Variants in NID1 observed in about 807,000 individuals in gnomAD.
NID1 encodes the protein nidogen 1.
Under a neutral mutation model 130.6 loss-of-function variants are expected in NID1, and 76 were observed. That is an observed-to-expected ratio of 0.58 (90% CI 0.48 to 0.70). The LOEUF (loss-of-function observed/expected upper bound fraction) is 0.70, where lower values mean the gene tolerates loss of function less well. Ranked by LOEUF, NID1 falls within the 30% of genes least tolerant of loss-of-function variation. The probability of loss-of-function intolerance (pLI) is 0.00; values close to 1 mark genes in which losing one functional copy is unlikely to be tolerated. For missense variants in NID1, 1,517 were observed against 1,664.8 expected, an observed-to-expected ratio of 0.91 and a Z score of 1.54; for synonymous variants, 665 against 675.1, an observed-to-expected ratio of 0.98 and a Z score of 0.23.
chr1:235,985,343 A>C (rs1324153328), intron 15 of NID1, 36 bp downstream of exon 15: 2 of 1,613,112 alleles, frequency 1.2e-6, no homozygotes, highest in African/African-American at 2.7e-5. Context: ...TGCTAGAAGC[A>C]AAACCAAAAA....
At chr1:235,985,358 A>T (rs536151394) in intron 15 of NID1, 21 bp downstream of exon 15, 17 of 1,613,896 alleles carry the variant, frequency 1.1e-5, no homozygotes, top group Admixed American at 3.3e-5. Context: ...CAAAAAGGAA[A>T]AATGATATTT....
intron 13 of NID1, among the ~76,000 whole-genome samples, chr1:235,992,255 C>G (rs1381716426): frequency 1.3e-5 from 2 of 152,188 alleles, no homozygotes; most frequent in Non-Finnish European, 2.9e-5. Context: ...CTATTACACC[C>G]AATCGGTGAC....
In NID1 at chr1:235,993,729, C is replaced by G; in HGVS notation, c.2671G>C (p.Gly891Arg). The stretch of plus-strand genomic sequence containing the variant: ...ACGCACCAGCAGTAGCCGGTGCTGC[C>G]GTGGCACTGGGTGGGCGCGTAGTGC... The part of the protein sequence containing the change: ...HGHYAPTQCH[G>R]STGYCWCVDR... The change falls in exon 13 of 20, where the codon GGC becomes CGC. Residue 891 changes from glycine to arginine, a missense_variant. This residue lies in a region of NID1 where 1,329 missense variants were observed against 1,429.2 expected (regional missense o/e 0.93). Coordinates refer to ENST00000264187, the MANE Select transcript of NID1 (RefSeq NM_002508.3). 1 of 1,611,974 alleles carries G rather than the reference C, an allele frequency of 6.2e-7. No individual in the cohort carries two copies. The highest frequency in any genetic ancestry group is 2.2e-5 in the East Asian group (1 of 44,818).
At chr1:236,024,754 G>T (rs1449905590) in intron 8 of NID1, among the ~76,000 whole-genome samples, 2 of 152,188 alleles carry the variant, frequency 1.3e-5, no homozygotes, top group Non-Finnish European at 2.9e-5. Flanking sequence ...GACCCCTGAG[G>T]CTTAAAGATA....
intron 11 of NID1, among the ~76,000 whole-genome samples, chr1:236,012,674 C>T (rs1658467500): frequency 6.6e-6 from 1 of 151,862 alleles, no homozygotes; most frequent in South Asian, 2.1e-4. Flanking sequence ...TAAATGAGAG[C>T]TTCAAAACTG....
At position 235,976,490 on chromosome 1, in the gene NID1, G is replaced by A. The variant is rs1657255072; in HGVS notation, c.*1377C>T. 1 of 151,642 alleles carries A rather than the reference G, an allele frequency of 6.6e-6. No homozygotes were observed. The highest frequency in any genetic ancestry group is 6.6e-5 in the Admixed American group (1 of 15,216). The allele number at this position is 151,642 out of a possible 1,614,324, so 9.4% of individuals were successfully genotyped here. ...TCTCTTGTTGATCAATCTCTTTTTTGTGATACTTTTCATTGAATCATCTCG... is the reference window on the plus strand; with the variant it reads ...TCTCTTGTTGATCAATCTCTTTTTTATGATACTTTTCATTGAATCATCTCG... On this transcript the variant is annotated 3_prime_UTR_variant, in exon 20 of 20. Transcript: ENST00000264187.
Position 236,045,047 on chromosome 1 carries a change from G to A in NID1, c.752+410C>T, listed in dbSNP as rs1232664516. ...AACCCCGTCTCTACTAAAAATACAAGAATTAGCTGGGCATGGTGGCACACA... is the reference window on the plus strand; with the variant it reads ...AACCCCGTCTCTACTAAAAATACAAAAATTAGCTGGGCATGGTGGCACACA... On this transcript the variant is annotated intron_variant, in intron 3 of 19. Coordinates refer to ENST00000264187, the MANE Select transcript of NID1 (RefSeq NM_002508.3). Among the ~76,000 whole-genome samples the A allele has an allele frequency of 7.2e-5, 11 of 151,788 alleles. No homozygotes were observed. The East Asian group carries it at 1.4e-3, about 19-fold the overall frequency.
intron 17 of NID1, among the ~76,000 whole-genome samples, chr1:235,980,200 C>A (rs908675778): frequency 1.3e-5 from 2 of 152,184 alleles, no homozygotes; most frequent in African/African-American, 4.8e-5. Flanking sequence ...TGACTCCAGG[C>A]TCTGTGCAGT....
chr1:235,983,682 C>T (rs1657499416), intron 15 of NID1, among the ~76,000 whole-genome samples: 1 of 152,190 alleles, frequency 6.6e-6, no homozygotes, highest in Non-Finnish European at 1.5e-5. Flanking sequence ...GCAACCAACC[C>T]CCTCTCCCTC....
intron 11 of NID1, among the ~76,000 whole-genome samples, chr1:236,012,578 A>AAAAAAAAAAAG (rs1553343926): frequency 5.0e-5 from 5 of 99,530 alleles, no homozygotes; most frequent in Admixed American, 1.2e-4. Flanking sequence ...AAAAAAAAAA[A>AAAAAAAAAAAG]AAAGAAAGAA....
chr1:236,045,845 T>C (rs1436824625), intron 2 of NID1, among the ~76,000 whole-genome samples, 162 bp from the exon 3 acceptor site: 2 of 152,248 alleles, frequency 1.3e-5, no homozygotes, highest in Non-Finnish European at 2.9e-5. Context: ...CCTAGGATTC[T>C]GGGATAGTTC....
intron 1 of NID1, among the ~76,000 whole-genome samples, chr1:236,056,629 G>T (rs1188980431): frequency 1.3e-5 from 2 of 151,726 alleles, no homozygotes; most frequent in African/African-American, 4.8e-5. Context: ...ACCTCTTTTC[G>T]TCCCATACCC....
At chr1:235,993,018 C>T (rs1479845200) in intron 13 of NID1, among the ~76,000 whole-genome samples, 3 of 152,204 alleles carry the variant, frequency 2.0e-5, no homozygotes, top group African/African-American at 7.2e-5. Context: ...TCCAGAGTCA[C>T]ACAGGGCCCC....
chr1:236,012,578 A>AAAAAAAAAAAAG (rs1553343926), intron 11 of NID1, among the ~76,000 whole-genome samples: 12 of 99,544 alleles, frequency 1.2e-4, no homozygotes, highest in African/African-American at 5.2e-4. Flanking sequence ...AAAAAAAAAA[A>AAAAAAAAAAAAG]AAAGAAAGAA....
chr1:235,999,029 C>T (rs982285838), intron 12 of NID1, among the ~76,000 whole-genome samples: 1 of 152,198 alleles, frequency 6.6e-6, no homozygotes, highest in Non-Finnish European at 1.5e-5. Context: ...GTCCACATTG[C>T]CAGTGCTTAG....
At chr1:236,002,866 T>G (rs1348727926) in intron 12 of NID1, among the ~76,000 whole-genome samples, 2 of 152,126 alleles carry the variant, frequency 1.3e-5, no homozygotes, top group African/African-American at 4.8e-5. Context: ...AGCCTTTGGG[T>G]GGCCTGGTTT....
chr1:236,022,568 G>A (rs186119225), intron 9 of NID1, among the ~76,000 whole-genome samples: 7 of 151,012 alleles, frequency 4.6e-5, no homozygotes, highest in African/African-American at 9.7e-5. Flanking sequence ...TCAAACTCCC[G>A]ACCTCATGAT....
At chr1:236,040,422 C>A (rs954513598) in intron 4 of NID1, among the ~76,000 whole-genome samples, 2 of 152,114 alleles carry the variant, frequency 1.3e-5, no homozygotes, top group Non-Finnish European at 2.9e-5. Context: ...TGAGAACAAG[C>A]GTGTATGGCT....
rs991189024 is a variant in NID1 at position 236,045,041 on chromosome 1, A to G, written c.752+416T>C. Among the ~76,000 whole-genome samples, 11 of 152,210 alleles carry G rather than the reference A, an allele frequency of 7.2e-5. No individual in the cohort carries two copies. In the East Asian group the frequency reaches 1.4e-3, roughly 19 times the overall value. Reference sequence around the variant, plus strand: ...TGGTGAAACCCCGTCTCTACTAAAAATACAAGAATTAGCTGGGCATGGTGG... The same window carrying G: ...TGGTGAAACCCCGTCTCTACTAAAAGTACAAGAATTAGCTGGGCATGGTGG... On this transcript the variant is annotated intron_variant, in intron 3 of 19. Coordinates refer to ENST00000264187, the MANE Select transcript of NID1 (RefSeq NM_002508.3).
Sources: allele counts gnomAD v4.1 joint callset (sites outside exome capture counted in the v4.1 genomes callset), GRCh38; gene constraint gnomAD v4.1.1; regional missense constraint gnomAD v4.1.1; transcripts MANE v1.5; gene names NCBI Gene and HGNC (gene_info 2026-07-23, HGNC 2026-07-21).